Variants in DNAH11 observed in about 807,000 individuals in gnomAD.
The protein encoded by DNAH11 is axonemal beta dynein heavy chain 11.
DNAH11 carries 442 observed loss-of-function variants against 526.0 expected under a neutral mutation model. The ratio of observed to expected loss-of-function variants is 0.84; its 90% CI spans 0.78 to 0.91. DNAH11 has a LOEUF of 0.91. DNAH11 is among the 40% of genes least tolerant of loss of function. The pLI is 0.00. For synonymous variants in DNAH11, 2,461 were observed against 1,935.9 expected (o/e 1.27, Z -7.12); for missense variants, 6,989 against 5,448.7 (o/e 1.28, Z -8.90).
chr7:21,564,482 C>A, intron 6 of DNAH11, 85 bp downstream of exon 6: 1 of 875,070 alleles, frequency 1.1e-6, no homozygotes, highest in East Asian at 2.7e-5. Flanking sequence ...ATCTAGTATA[C>A]AGTAAGAACA....
intron 54 of DNAH11, among the ~76,000 whole-genome samples, chr7:21,757,896 T>C (rs1297604817): frequency 6.6e-6 from 1 of 152,248 alleles, no homozygotes; most frequent in Non-Finnish European, 1.5e-5. Flanking sequence ...ACTACTCACC[T>C]GGCCAGTGGA....
chr7:21,815,374 G>A (rs900596984), intron 63 of DNAH11, among the ~76,000 whole-genome samples: 4 of 152,118 alleles, frequency 2.6e-5, no homozygotes, highest in Admixed American at 6.6e-5. Context: ...AATATCACTC[G>A]GAGATAGGGT....
Position 21,638,965 on chromosome 7 carries a change from C to G in DNAH11, c.4844C>G (p.Ala1615Gly). The change falls in exon 28 of 82, where the codon GCT becomes GGT. Residue 1615 changes from alanine to glycine, a missense_variant. Coordinates refer to ENST00000409508, the MANE Select transcript of DNAH11 (RefSeq NM_001277115.2). ...CTTTCTCTTTGTGAAAAAGCTCTCG[C>G]TGAATACCTGGAAACCAAGCGCATA... Reference protein sequence around the residue: ...SRLSLCEKALAEYLETKRIAF... With the variant: ...SRLSLCEKALGEYLETKRIAF... 1 of 1,611,924 alleles carries G rather than the reference C, an allele frequency of 6.2e-7. No individual in the cohort carries two copies. Among genetic ancestry groups the G allele is most frequent in the Non-Finnish European group, 8.5e-7 (1 of 1,179,306 alleles).
In DNAH11 at chr7:21,601,183, G is replaced by A; in HGVS notation, c.3425+4G>A. 6.3e-7 allele frequency: 1 copy of A among 1,583,018 alleles called. No individual in the cohort carries two copies. The highest frequency in any genetic ancestry group is 1.2e-5 in the South Asian group (1 of 84,672). On this transcript the variant is annotated splice_donor_region_variant and intron_variant, in intron 17 of 81. Transcript: ENST00000409508. ...TTTTGAGATTTGTCATTGACAGGTA[G>A]CCTTTTACTTTGGTTTTTGGAATTA...
chr7:21,570,068 G>T lies in DNAH11; in HGVS notation c.1195-1G>T. 6.3e-7 allele frequency: 1 copy of T among 1,593,090 alleles called. No homozygotes were observed. Among genetic ancestry groups the T allele is most frequent in the Non-Finnish European group, 8.5e-7 (1 of 1,170,172 alleles). On this transcript the variant is annotated splice_acceptor_variant, in intron 6 of 81. Transcript: ENST00000409508. LOFTEE classifies it high-confidence loss of function. ...CATTGTTCCCTTTCATTAAATCCTA[G>T]GCAACAGCTTACCTTTCACCTGAGG... is the stretch of plus-strand genomic sequence containing the variant.
chr7:21,778,383 G>A (rs1388038592), intron 56 of DNAH11, among the ~76,000 whole-genome samples: 1 of 152,104 alleles, frequency 6.6e-6, no homozygotes, highest in Non-Finnish European at 1.5e-5. Flanking sequence ...GTTGAATATT[G>A]GGTTAGCTTC....
At chr7:21,653,441 T>G (rs1781872261) in intron 28 of DNAH11, among the ~76,000 whole-genome samples, 1 of 152,118 alleles carries the variant, frequency 6.6e-6, no homozygotes. Flanking sequence ...TCCTGGTCAT[T>G]GAGTTACTAT....
intron 30 of DNAH11, among the ~76,000 whole-genome samples, chr7:21,670,798 C>T (rs998246282): frequency 2.0e-5 from 3 of 151,806 alleles, no homozygotes; most frequent in Non-Finnish European, 2.9e-5. Context: ...GGTGAATTTT[C>T]GAAAGTTACG....
At position 21,720,452 on chromosome 7, in the gene DNAH11, A is replaced by AT. The variant is rs549918064; in HGVS notation, c.7135-269dup. ...CCTTTTTTTTTTTTGCTTATGTGTG[A>AT]TTTTGGTTTGTATACTGATTATTAA... On this transcript the variant is annotated intron_variant, in intron 43 of 81. Coordinates refer to ENST00000409508, the MANE Select transcript of DNAH11 (RefSeq NM_001277115.2). 7.6e-4 allele frequency among the ~76,000 whole-genome samples: 112 copies of AT among 148,290 alleles called. 3 individuals are homozygous for AT. Among genetic ancestry groups the AT allele is most frequent in the Non-Finnish European group, 4.9e-4 (33 of 67,184 alleles).
At chr7:21,565,098 A>G (rs1241825626) in intron 6 of DNAH11, among the ~76,000 whole-genome samples, 1 of 152,214 alleles carries the variant, frequency 6.6e-6, no homozygotes, top group Non-Finnish European at 1.5e-5. Context: ...ATAGCAAAGT[A>G]CTATGGATTG....
intron 3 of DNAH11, 86 bp from the exon 4 acceptor site, chr7:21,559,517 A>G (rs1783363227): frequency 3.7e-6 from 4 of 1,094,836 alleles, no homozygotes; most frequent in Non-Finnish European, 5.2e-6. Flanking sequence ...AAACTAGTTT[A>G]TGGATGCCTA....
chr7:21,728,527 A>G (rs557048146), intron 45 of DNAH11, among the ~76,000 whole-genome samples: 3 of 152,172 alleles, frequency 2.0e-5, no homozygotes, highest in African/African-American at 4.8e-5. Context: ...CCAAAGTGCT[A>G]GGATTACAGG....
chr7:21,638,745 T>C (rs1217628697), intron 27 of DNAH11, among the ~76,000 whole-genome samples, 194 bp from the exon 28 acceptor site: 2 of 150,380 alleles, frequency 1.3e-5, no homozygotes, highest in Non-Finnish European at 3.0e-5. Flanking sequence ...TTTGGCATAG[T>C]ACTCTTCTAC....
At chr7:21,849,383 A>T (rs1782538915) in intron 66 of DNAH11, among the ~76,000 whole-genome samples, 1 of 152,160 alleles carries the variant, frequency 6.6e-6, no homozygotes, top group African/African-American at 2.4e-5. Context: ...AACATATTTT[A>T]TCTTCATTTA....
intron 55 of DNAH11, among the ~76,000 whole-genome samples, chr7:21,765,824 G>A (rs188567772): frequency 1.1e-4 from 17 of 152,280 alleles, no homozygotes; most frequent in Admixed American, 8.5e-4. Flanking sequence ...GCACACGTGC[G>A]TGAACACGGG....
rs776256138 is a variant in DNAH11 at position 21,571,971 on chromosome 7, A to G, written c.1591A>G (p.Met531Val). 9 of 1,548,956 alleles carry G rather than the reference A, an allele frequency of 5.8e-6. No homozygotes were observed. Among genetic ancestry groups the G allele is most frequent in the Admixed American group, 4.1e-5 (2 of 49,014 alleles). The stretch of plus-strand genomic sequence containing the variant: ...TTATGACCCATCTGATTGCACTAAC[A>G]TGGTAATGTTGTACCTTTGCATTTT... ...STYDPSDCTN[M>V]EFESDYVAFK... The change falls in exon 8 of 82, where the codon ATG becomes GTG. Residue 531 changes from methionine to valine, a missense_variant and splice_region_variant. Coordinates refer to ENST00000409508, the MANE Select transcript of DNAH11 (RefSeq NM_001277115.2).
At chr7:21,733,510 T>C (rs1014783793) in intron 45 of DNAH11, among the ~76,000 whole-genome samples, 2 of 150,636 alleles carry the variant, frequency 1.3e-5, no homozygotes, top group East Asian at 1.9e-4. Context: ...CCTACAAGTA[T>C]GATCTAGCTG....
intron 65 of DNAH11, among the ~76,000 whole-genome samples, chr7:21,820,263 C>T (rs979127506): frequency 6.6e-5 from 10 of 152,144 alleles, no homozygotes; most frequent in Non-Finnish European, 2.9e-5. Context: ...AGACCCTGCA[C>T]TTGAGGAAGC....
At chr7:21,548,082 C>A (rs1782871468) in intron 2 of DNAH11, among the ~76,000 whole-genome samples, 2 of 149,868 alleles carry the variant, frequency 1.3e-5, no homozygotes, top group African/African-American at 2.5e-5. Flanking sequence ...TTTAAAGCAA[C>A]CTTCTACCCA....
Sources: allele counts gnomAD v4.1 joint callset (sites outside exome capture counted in the v4.1 genomes callset), GRCh38; gene constraint gnomAD v4.1.1; transcripts MANE v1.5; gene names NCBI Gene and HGNC (gene_info 2026-07-23, HGNC 2026-07-21).